DCX: variants seen among roughly 807,000 people sequenced by gnomAD.
The protein encoded by DCX is neuronal migration protein doublecortin.
In DCX, 4 loss-of-function variants were observed where a neutral mutation model predicts 20.9. That is an observed-to-expected ratio of 0.19 (90% CI 0.09 to 0.44). The LOEUF (loss-of-function observed/expected upper bound fraction) is 0.44. Ranked by LOEUF, DCX falls within the 20% of genes least tolerant of loss-of-function variation. The pLI, the probability that DCX is intolerant of heterozygous loss-of-function variation, is 0.99. For synonymous variants in DCX, 103 were observed against 111.4 expected (o/e 0.92, Z 0.47); for missense variants, 133 against 296.9 (o/e 0.45, Z 4.06).
intron 5 of DCX, among the ~76,000 whole-genome samples, chrX:111,325,557 G>A (rs2095097793): frequency 8.9e-6 from 1 of 112,294 alleles, no homozygotes. Context: ...AAAGTGCATA[G>A]CATCTAATTC....
At chrX:111,306,304 T>C (rs1293108920) in intron 6 of DCX, among the ~76,000 whole-genome samples, 3 of 111,021 alleles carry the variant, frequency 2.7e-5, no homozygotes, top group Admixed American at 9.6e-5. Context: ...AGAAAAAAAA[T>C]AGACTTTAAG....
rs1041483790 is a variant in DCX at position 111,294,962 on chromosome X, A to C, written c.*6725T>G. The C allele has an allele frequency of 8.9e-6, 1 of 112,464 alleles. No homozygotes were observed. The highest frequency in any genetic ancestry group is 1.9e-5 in the Non-Finnish European group (1 of 53,248). 9.3% of individuals were successfully genotyped at this position (112,464 alleles called of 1,213,427 possible). A position where few individuals can be genotyped will look rare whatever the true frequency, so the allele number is the denominator to read the frequency against. On this transcript the variant is annotated 3_prime_UTR_variant, in exon 7 of 7. Coordinates refer to ENST00000636035, the MANE Select transcript of DCX (RefSeq NM_001195553.2). Reference sequence around the variant, plus strand: ...AAATGGCCATAAAAACATTTTCTGTACAAGTTTAATGGCACAAAAAGGTGA... The same window carrying C: ...AAATGGCCATAAAAACATTTTCTGTCCAAGTTTAATGGCACAAAAAGGTGA...
At chrX:111,350,699 G>A (rs745857167) in intron 3 of DCX, among the ~76,000 whole-genome samples, 1 of 112,073 alleles carries the variant, frequency 8.9e-6, no homozygotes, top group Non-Finnish European at 1.9e-5. Flanking sequence ...CAAGAGCAAC[G>A]ATAAGAGGGA....
At position 111,297,489 on chromosome X, in the gene DCX, A is replaced by T. The variant is rs1234088667; in HGVS notation, c.*4198T>A. The T allele has an allele frequency of 8.9e-6, 1 of 112,397 alleles. No individual in the cohort carries two copies. Among genetic ancestry groups the T allele is most frequent in the Non-Finnish European group, 1.9e-5 (1 of 53,283 alleles). The allele number at this position is 112,397 out of a possible 1,213,427, so 9.3% of individuals were successfully genotyped here. ...CAAAATTTTGTTCAAGGTAAGCACC[A>T]ATCACTGGTCTAAGACTTGGACTAG... On this transcript the variant is annotated 3_prime_UTR_variant, in exon 7 of 7. Transcript: ENST00000636035.
At chrX:111,312,976 A>G (rs1452211950) in intron 5 of DCX, among the ~76,000 whole-genome samples, 2 of 111,692 alleles carry the variant, frequency 1.8e-5, no homozygotes, top group Admixed American at 9.5e-5. Flanking sequence ...TTTCCTCCTC[A>G]GTGCTTCCCA....
In DCX at chrX:111,297,088, A is replaced by C. The variant is rs751681705; in HGVS notation, c.*4599T>G. On this transcript the variant is annotated 3_prime_UTR_variant, in exon 7 of 7. Transcript: ENST00000636035. ...CTGGGACTTAAAGCCAAAGCCCTTC[A>C]GTGAAGGCAATATATGAGTAAGGCC... The C allele has an allele frequency of 8.9e-6, 1 of 112,327 alleles. No homozygotes were observed. Among genetic ancestry groups the C allele is most frequent in the African/African-American group, 3.2e-5 (1 of 30,903 alleles). 9.3% of individuals were successfully genotyped at this position (112,327 alleles called of 1,213,427 possible).
intron 2 of DCX, 74 bp from the exon 3 acceptor site, chrX:111,401,404 A>G (rs1054035389): frequency 1.1e-6 from 1 of 898,944 alleles, no homozygotes; most frequent in Middle Eastern, 2.8e-4. Context: ...AAACTAATAC[A>G]CACTGACACT....
At chrX:111,375,269 A>T (rs1458508728) in intron 3 of DCX, among the ~76,000 whole-genome samples, 4 of 109,991 alleles carry the variant, frequency 3.6e-5, no homozygotes, top group Non-Finnish European at 7.6e-5. Context: ...AAATATTAAT[A>T]AGGTCTGTGG....
At chrX:111,396,995 A>G (rs1367752547) in intron 3 of DCX, among the ~76,000 whole-genome samples, 2 of 111,743 alleles carry the variant, frequency 1.8e-5, no homozygotes, top group South Asian at 3.8e-4. Flanking sequence ...CTTCTATAAC[A>G]TCAAACATAA....
rs149543350 is a variant in DCX at position 111,310,749 on chromosome X, C to T, written c.1044+1890G>A. 3.6e-3 allele frequency among the ~76,000 whole-genome samples: 403 copies of T among 112,383 alleles called. 3 individuals are homozygous for T. Among genetic ancestry groups the T allele is most frequent in the African/African-American group, 0.012 (382 of 30,940 alleles). On this transcript the variant is annotated intron_variant, in intron 6 of 6. Coordinates refer to ENST00000636035, the MANE Select transcript of DCX (RefSeq NM_001195553.2). ...AGTTAAGAAAACAGTGAAGCTCTGA[C>T]AATGCTGCCACCTGTGAGCTTGTTC...
chrX:111,385,679 G>A (rs1277021164), intron 3 of DCX, among the ~76,000 whole-genome samples: 1 of 102,316 alleles, frequency 9.8e-6, no homozygotes, highest in Non-Finnish European at 2.0e-5. Flanking sequence ...GAAAAAGAAA[G>A]AAAGAGAAAG....
intron 6 of DCX, among the ~76,000 whole-genome samples, chrX:111,304,431 C>T (rs1473950085): frequency 1.8e-5 from 2 of 111,779 alleles, no homozygotes; most frequent in African/African-American, 6.5e-5. Context: ...GCCTTATTTC[C>T]ATTTTTCCTC....
intron 5 of DCX, among the ~76,000 whole-genome samples, chrX:111,322,952 G>T: frequency 8.9e-6 from 1 of 112,100 alleles, no homozygotes. Context: ...CAAAACAAAT[G>T]TATATACCCA....
At chrX:111,395,076 T>C (rs1003884511) in intron 3 of DCX, among the ~76,000 whole-genome samples, 18 of 111,513 alleles carry the variant, frequency 1.6e-4, no homozygotes, top group African/African-American at 5.9e-4. Context: ...CTTAGGAGCA[T>C]AGAGAGGTAG....
chrX:111,410,869 A>C (rs1321560715), intron 1 of DCX: 2 of 1,209,341 alleles, frequency 1.7e-6, no homozygotes, highest in African/African-American at 3.5e-5. Flanking sequence ...GCCTGACAAA[A>C]TTCCCCTTGA....
At chrX:111,404,045 G>A (rs747646330) in intron 2 of DCX, among the ~76,000 whole-genome samples, 104 of 12,431 alleles carry the variant, frequency 8.4e-3, no homozygotes, top group South Asian at 0.049. Context: ...GTGAGATTCC[G>A]TCTTAAAATA....
chrX:111,359,698 C>T lies in DCX; in HGVS notation c.706-26545G>A, dbSNP rs777002131. ...AACAAACAGTCCAATAGAAAATGGG[C>T]AAAATAAATAGGCAGTTAATTACTT... On this transcript the variant is annotated intron_variant, in intron 3 of 6. Coordinates refer to ENST00000636035, the MANE Select transcript of DCX (RefSeq NM_001195553.2). 7.2e-5 allele frequency among the ~76,000 whole-genome samples: 8 copies of T among 111,672 alleles called. No homozygotes were observed. In the South Asian group the frequency reaches 2.2e-3, roughly 31 times the overall value.
chrX:111,314,323 G>A (rs188529339), intron 5 of DCX, among the ~76,000 whole-genome samples: 92 of 112,003 alleles, frequency 8.2e-4, no homozygotes, highest in African/African-American at 2.9e-3. Context: ...GTTTCAGAGA[G>A]GAGTAAGCTA....
rs2095016049 is a variant in DCX, at chrX:111,294,676, C to A, written c.*7011G>T. Reference sequence around the variant, plus strand: ...TCAGATATTTACAACTGTAAGACAACTGGGAGCAGGGAGAGGGAGAGGGCA... The same window carrying A: ...TCAGATATTTACAACTGTAAGACAAATGGGAGCAGGGAGAGGGAGAGGGCA... On this transcript the variant is annotated 3_prime_UTR_variant, in exon 7 of 7. Transcript: ENST00000636035. 2 of 111,829 alleles carry A rather than the reference C, an allele frequency of 1.8e-5. No individual in the cohort carries two copies. Among genetic ancestry groups the A allele is most frequent in the African/African-American group, 6.5e-5 (2 of 30,619 alleles). The allele number at this position is 111,829 out of a possible 1,213,427, so 9.2% of individuals were successfully genotyped here.
Sources: allele counts gnomAD v4.1 joint callset (sites outside exome capture counted in the v4.1 genomes callset), GRCh38; gene constraint gnomAD v4.1.1; transcripts MANE v1.5; gene names NCBI Gene and HGNC (gene_info 2026-07-23, HGNC 2026-07-21).